The following SPG11 variants were observed in gnomAD, a reference collection of about 807,000 sequenced individuals.
The protein encoded by SPG11 is spatacsin.
SPG11 carries 222 observed loss-of-function variants against 274.0 expected under a neutral mutation model. The observed-to-expected ratio is 0.81, with a 90% CI of 0.73 to 0.91. The LOEUF is 0.91. SPG11 is among the 40% of genes least tolerant of loss of function. The pLI, the probability that SPG11 is intolerant of heterozygous loss-of-function variation, is 0.00. For synonymous variants in SPG11, 1,144 were observed against 1,039.7 expected (o/e 1.10, Z -1.93); for missense variants, 3,114 against 2,872.7 (o/e 1.08, Z -1.92).
At chr15:44,614,913 CTCTT>C (rs1290125439) in intron 16 of SPG11, among the ~76,000 whole-genome samples, 1 of 152,168 alleles carries the variant, frequency 6.6e-6, no homozygotes, top group Non-Finnish European at 1.5e-5. Context: ...GTATTGCTCT[CTCTT>C]TCTCTGTGCG....
chr15:44,595,241 T>C lies in SPG11; in HGVS notation c.4635+18A>G. On this transcript the variant is annotated intron_variant, in intron 26 of 39. Coordinates refer to ENST00000261866, the MANE Select transcript of SPG11 (RefSeq NM_025137.4). ...TAATCTCTTAAGCTCTGGAAAGAAG[T>C]GAAGCAACTATCACTACCTTAAAGA... 6.2e-7 allele frequency: 1 copy of C among 1,611,850 alleles called. No homozygotes were observed. The highest frequency in any genetic ancestry group is 1.3e-5 in the African/African-American group (1 of 74,994).
At chr15:44,570,358 T>C (rs1595823537) in intron 34 of SPG11, among the ~76,000 whole-genome samples, 167 bp downstream of exon 34, 1 of 152,190 alleles carries the variant, frequency 6.6e-6, no homozygotes, top group Non-Finnish European at 1.5e-5. Flanking sequence ...ACAGAAATGA[T>C]AACTTGGAGC....
intron 30 of SPG11, among the ~76,000 whole-genome samples, chr15:44,580,295 C>G (rs1385575220): frequency 6.6e-6 from 1 of 152,158 alleles, no homozygotes; most frequent in South Asian, 2.1e-4. Context: ...GTGTAGAAGT[C>G]TATACCACCT....
intron 30 of SPG11, among the ~76,000 whole-genome samples, chr15:44,578,047 C>T (rs1294002708): frequency 7.9e-5 from 10 of 126,084 alleles, no homozygotes; most frequent in Middle Eastern, 4.9e-3. Context: ...TTTTTTGAGA[C>T]GGAGTCTCGC....
chr15:44,618,358 A>G (rs928263610), intron 15 of SPG11, among the ~76,000 whole-genome samples: 6 of 137,998 alleles, frequency 4.3e-5, no homozygotes, highest in African/African-American at 1.1e-4. Context: ...AATACAAAAG[A>G]AAAAAAAAAA....
chr15:44,578,529 C>T (rs1001776215), intron 30 of SPG11, among the ~76,000 whole-genome samples: 1 of 152,096 alleles, frequency 6.6e-6, no homozygotes, highest in Non-Finnish European at 1.5e-5. Context: ...GAAAAACTAG[C>T]TGGGAGAGCC....
intron 7 of SPG11, among the ~76,000 whole-genome samples, chr15:44,646,590 A>G (rs369181632): frequency 1.3e-5 from 2 of 152,212 alleles, no homozygotes; most frequent in South Asian, 2.1e-4. Flanking sequence ...GAGCCAAACC[A>G]TATCAACTGG....
intron 30 of SPG11, among the ~76,000 whole-genome samples, chr15:44,576,170 T>G (rs572606585): frequency 7.5e-6 from 1 of 132,754 alleles, no homozygotes; most frequent in African/African-American, 2.7e-5. Flanking sequence ...AAAAAAAAGC[T>G]CTTAGCTTAA....
In SPG11 at chr15:44,622,745, T is replaced by C. The variant is rs370774571; in HGVS notation, c.2299A>G (p.Asn767Asp). The C allele has an allele frequency of 5.5e-5, 89 of 1,613,480 alleles. No homozygotes were observed. Among genetic ancestry groups the C allele is most frequent in the Non-Finnish European group, 7.3e-5 (86 of 1,179,628 alleles). The change falls in exon 12 of 40, where the codon AAT becomes GAT. Residue 767 changes from asparagine (N) to aspartate (D), a missense_variant. Asn to Asp is a conservative substitution (Grantham distance 23). Transcript: ENST00000261866. ...TTACCTACCAAAAAGTCACGTATATTTTTATTAGTTGTATAGAAGCAGATC... is the reference window on the plus strand; with the variant it reads ...TTACCTACCAAAAAGTCACGTATATCTTTATTAGTTGTATAGAAGCAGATC... ...LKICFYTTNK[N>D]IRDFLVEILK...
chr15:44,601,555 T>A (rs2083189043), intron 20 of SPG11, among the ~76,000 whole-genome samples: 1 of 136,212 alleles, frequency 7.3e-6, no homozygotes, highest in Non-Finnish European at 1.5e-5. Flanking sequence ...GCCCAGCCTC[T>A]TCTTTTTTTT....
rs749902468 is a variant in SPG11, at chr15:44,660,202, GAT to G, written c.442+228_442+229del. Among the ~76,000 whole-genome samples, 10 of 152,170 alleles carry G rather than the reference GAT, an allele frequency of 6.6e-5. No individual in the cohort carries two copies. In the East Asian group the frequency reaches 7.7e-4, roughly 12 times the overall value. On this transcript the variant is annotated intron_variant, in intron 2 of 39. Transcript: ENST00000261866. ...AATGTAATTAAATACAAAAAATTGA[GAT>G]ATTTTATTTTTAGTATTAAGTCTTC... is the stretch of plus-strand genomic sequence containing the variant.
At chr15:44,600,436 A>C (rs1476346941) in intron 21 of SPG11, 31 bp downstream of exon 21, 1 of 1,612,594 alleles carries the variant, frequency 6.2e-7, no homozygotes, top group Non-Finnish European at 8.5e-7. Context: ...GAACCACTGT[A>C]CCCAGACAAA....
rs762708084 is a variant in SPG11, at chr15:44,621,870, C to G, written c.2509G>C (p.Asp837His). The part of the protein sequence containing the change: ...KSVLDSFLKY[D>H]CKDEFNKQDH... Reference sequence around the variant, plus strand: ...TGTTTGTTAAATTCATCTTTACAATCATATTTCAGGAATGAGTCCAAAACA... The same window carrying G: ...TGTTTGTTAAATTCATCTTTACAATGATATTTCAGGAATGAGTCCAAAACA... The change falls in exon 14 of 40, where the codon GAT becomes CAT. Residue 837 changes from aspartate to histidine, a missense_variant. Coordinates refer to ENST00000261866, the MANE Select transcript of SPG11 (RefSeq NM_025137.4). 3.1e-6 allele frequency: 5 copies of G among 1,613,662 alleles called. No individual in the cohort carries two copies. The highest frequency in any genetic ancestry group is 4.2e-6 in the Non-Finnish European group (5 of 1,179,858).
chr15:44,578,490 C>T (rs1405642480), intron 30 of SPG11, among the ~76,000 whole-genome samples: 1 of 151,390 alleles, frequency 6.6e-6, no homozygotes, highest in Non-Finnish European at 1.5e-5. Flanking sequence ...AGCTTTTGGC[C>T]AAATAACTGA....
chr15:44,596,594 G>A (rs1390484158), intron 24 of SPG11, among the ~76,000 whole-genome samples, 190 bp downstream of exon 24: 1 of 123,674 alleles, frequency 8.1e-6, no homozygotes, highest in African/African-American at 3.1e-5. Flanking sequence ...CCAACCCACT[G>A]AAATCTTAGG....
At chr15:44,575,440 C>T (rs2082515547) in intron 30 of SPG11, among the ~76,000 whole-genome samples, 1 of 151,934 alleles carries the variant, frequency 6.6e-6, no homozygotes, top group East Asian at 1.9e-4. Context: ...TTCTGAGGAG[C>T]TGTTATCTGT....
intron 8 of SPG11, among the ~76,000 whole-genome samples, chr15:44,631,730 C>T (rs1595901996): frequency 7.0e-6 from 1 of 142,266 alleles, no homozygotes; most frequent in Non-Finnish European, 1.5e-5. Context: ...GTCATGAACT[C>T]TTGGTCTCAA....
Position 44,663,518 on chromosome 15 carries a change from G to T in SPG11, c.130C>A (p.Arg44=). 6.3e-7 allele frequency: 1 copy of T among 1,596,802 alleles called. No homozygotes were observed. The highest frequency in any genetic ancestry group is 8.5e-7 in the Non-Finnish European group (1 of 1,172,666). Reference sequence around the variant, plus strand: ...TCCGGCTGTGTGCGCAGCTGCGCCCGGGAGCCGAGCTGCCCCATCGCCTCG... The same window carrying T: ...TCCGGCTGTGTGCGCAGCTGCGCCCTGGAGCCGAGCTGCCCCATCGCCTCG... ...PAEAMGQLGS[R]AQLRTQPEAL... is the part of the protein sequence containing the mutation. Residue 44 remains arginine (R), a synonymous_variant, in exon 1 of 40, where the codon CGG becomes AGG. Coordinates refer to ENST00000261866, the MANE Select transcript of SPG11 (RefSeq NM_025137.4).
rs779659358 is a variant in SPG11 at position 44,596,777 on chromosome 15, G to A, written c.4161+7C>T. 6.2e-7 allele frequency: 1 copy of A among 1,606,652 alleles called. No individual in the cohort carries two copies. Among genetic ancestry groups the A allele is most frequent in the Non-Finnish European group, 8.5e-7 (1 of 1,175,362 alleles). On this transcript the variant is annotated splice_region_variant and intron_variant, in intron 24 of 39. Coordinates refer to ENST00000261866, the MANE Select transcript of SPG11 (RefSeq NM_025137.4). ...TTTTGAGTGACTGCTAACAATTAGT[G>A]GCTTACCTCTGCTGGGTGGTAGTTG...
Sources: gnomAD v4.1 joint callset for allele counts (sites outside exome capture counted in the v4.1 genomes callset) on GRCh38, gnomAD v4.1.1 for gene constraint, MANE v1.5 for transcripts, NCBI Gene and HGNC (gene_info 2026-07-23, HGNC 2026-07-21) for gene names.